Variants in PDE6D observed in about 807,000 individuals in gnomAD.
PDE6D encodes the protein retinal rod rhodopsin-sensitive cGMP 3',5'-cyclic phosphodiesterase subunit delta.
A neutral mutation model predicts 21.9 loss-of-function variants in PDE6D; 10 were observed. That is an observed-to-expected ratio of 0.46 (90% CI 0.28 to 0.78). The LOEUF (loss-of-function observed/expected upper bound fraction) is 0.78. Ranked by LOEUF, PDE6D falls within the 30% of genes least tolerant of loss-of-function variation. PDE6D has a pLI of 0.12. For missense variants in PDE6D, 139 were observed against 184.8 expected, an observed-to-expected ratio of 0.75 and a Z score of 1.44; for synonymous variants, 59 against 63.5, an observed-to-expected ratio of 0.93 and a Z score of 0.34.
chr2:231,746,174 A>G (rs939896874), intron 1 of PDE6D, among the ~76,000 whole-genome samples: 12 of 152,026 alleles, frequency 7.9e-5, no homozygotes, highest in African/African-American at 2.4e-4. Context: ...CGGAGTCCCA[A>G]TCTGTTGTCC....
At chr2:231,734,182 C>G (rs2048676364) in intron 4 of PDE6D, among the ~76,000 whole-genome samples, 1 of 151,664 alleles carries the variant, frequency 6.6e-6, no homozygotes, top group Non-Finnish European at 1.5e-5. Flanking sequence ...CCACTGCACT[C>G]CAGCCTCCGC....
At chr2:231,774,806 G>A (rs539645699) in intron 1 of PDE6D, among the ~76,000 whole-genome samples, 2 of 152,100 alleles carry the variant, frequency 1.3e-5, no homozygotes, top group Admixed American at 6.6e-5. Flanking sequence ...GGCCAGGCTG[G>A]CCTCGAATCC....
chr2:231,751,818 C>T (rs1481862204), intron 1 of PDE6D, among the ~76,000 whole-genome samples: 1 of 152,126 alleles, frequency 6.6e-6, no homozygotes, highest in Non-Finnish European at 1.5e-5. Context: ...ACCTTCATCA[C>T]CTGGTTGAGG....
chr2:231,763,266 C>T (rs1041194245), intron 1 of PDE6D, among the ~76,000 whole-genome samples: 2 of 152,212 alleles, frequency 1.3e-5, no homozygotes, highest in African/African-American at 2.4e-5. Context: ...GTTTGTTTTA[C>T]ATGGAGGGTA....
chr2:231,774,269 G>A (rs1446187785), intron 1 of PDE6D, among the ~76,000 whole-genome samples: 1 of 152,028 alleles, frequency 6.6e-6, no homozygotes, highest in African/African-American at 2.4e-5. Flanking sequence ...AAAATGAATG[G>A]CAGCAGATAT....
At chr2:231,763,708 T>C (rs190979378) in intron 1 of PDE6D, among the ~76,000 whole-genome samples, 1 of 151,648 alleles carries the variant, frequency 6.6e-6, no homozygotes, top group Admixed American at 6.6e-5. Context: ...TGATTACAGC[T>C]CACTGTAACC....
At chr2:231,746,182 T>A (rs1308451522) in intron 1 of PDE6D, among the ~76,000 whole-genome samples, 3 of 152,158 alleles carry the variant, frequency 2.0e-5, no homozygotes, top group Non-Finnish European at 4.4e-5. Context: ...CAATCTGTTG[T>A]CCAGGCTGGA....
intron 1 of PDE6D, among the ~76,000 whole-genome samples, chr2:231,745,229 C>CA (rs1185561147): frequency 3.5e-4 from 52 of 150,166 alleles, no homozygotes; most frequent in East Asian, 3.1e-3. Context: ...AACAAAAACA[C>CA]ACAAAAAAAA....
intron 4 of PDE6D, among the ~76,000 whole-genome samples, chr2:231,733,609 T>C (rs2048669565): frequency 6.6e-6 from 1 of 152,174 alleles, no homozygotes; most frequent in Admixed American, 6.5e-5. Context: ...CCAATCAGAC[T>C]CTTTCTCTTG....
chr2:231,764,405 T>A (rs1183220890), intron 1 of PDE6D, among the ~76,000 whole-genome samples: 1 of 152,162 alleles, frequency 6.6e-6, no homozygotes, highest in Non-Finnish European at 1.5e-5. Context: ...TCCATCCTCA[T>A]ACACATTTCT....
intron 1 of PDE6D, among the ~76,000 whole-genome samples, chr2:231,748,027 G>A (rs2048808611): frequency 1.3e-5 from 2 of 152,014 alleles, no homozygotes. Flanking sequence ...TCCCAGTTTC[G>A]GGTATGTCTT....
intron 1 of PDE6D, among the ~76,000 whole-genome samples, chr2:231,761,444 G>A (rs200287347): frequency 3.9e-5 from 6 of 152,206 alleles, no homozygotes; most frequent in East Asian, 3.8e-4. Flanking sequence ...CCAAAGTGCT[G>A]GGATTACAGG....
intron 1 of PDE6D, among the ~76,000 whole-genome samples, chr2:231,742,283 G>A (rs547551200): frequency 1.5e-4 from 23 of 152,092 alleles, no homozygotes; most frequent in African/African-American, 5.5e-4. Context: ...CACCATGCCC[G>A]GCTAATTTTT....
chr2:231,740,660 GAC>G (rs1491499862), intron 1 of PDE6D, among the ~76,000 whole-genome samples: 1 of 132,038 alleles, frequency 7.6e-6, no homozygotes, highest in East Asian at 2.2e-4. Context: ...CAGCCTGGGC[GAC>G]AGAGGGAGAC....
intron 4 of PDE6D, among the ~76,000 whole-genome samples, chr2:231,733,243 A>T (rs1189985352): frequency 6.6e-6 from 1 of 152,164 alleles, no homozygotes; most frequent in East Asian, 1.9e-4. Flanking sequence ...CATCCCTGTC[A>T]AGCTCACAAA....
intron 1 of PDE6D, among the ~76,000 whole-genome samples, chr2:231,765,003 G>A (rs1204261361): frequency 2.6e-5 from 4 of 151,714 alleles, no homozygotes; most frequent in Admixed American, 6.6e-5. Context: ...GCACATGCCT[G>A]TAATACCAAC....
chr2:231,739,034 C>A lies in PDE6D; in HGVS notation c.139+66G>T. The A allele has an allele frequency of 1.0e-6, 1 of 983,348 alleles. No homozygotes were observed. The highest frequency in any genetic ancestry group is 1.3e-5 in the South Asian group (1 of 75,198). 60.9% of individuals were successfully genotyped at this position (983,348 alleles called of 1,614,324 possible). On this transcript the variant is annotated intron_variant, in intron 2 of 4. Coordinates refer to ENST00000287600, the MANE Select transcript of PDE6D (RefSeq NM_002601.4). The surrounding 1 kb of genome is among the most constrained non-coding windows in gnomAD (Gnocchi z 4.2). ...CTATTAGGTATGTGTTAACTTAGCT[C>A]TCTTATGCTCAGGTGCTAGTCTGGC...
At chr2:231,741,573 A>T (rs1349835080) in intron 1 of PDE6D, among the ~76,000 whole-genome samples, 1 of 152,224 alleles carries the variant, frequency 6.6e-6, no homozygotes, top group Non-Finnish European at 1.5e-5. Flanking sequence ...CAGGTCACAA[A>T]GCTCAGGAAG....
rs779721794 is a variant in PDE6D at position 231,739,086 on chromosome 2, G to A, written c.139+14C>T. The A allele has an allele frequency of 5.1e-6, 8 of 1,567,156 alleles. No homozygotes were observed. The highest frequency in any genetic ancestry group is 7.0e-6 in the Non-Finnish European group (8 of 1,137,350). ...TTGGTCACAGCCCTGTGTAGATAAA[G>A]GGTTGGAAAGTACCTTCATGCTCCA... On this transcript the variant is annotated intron_variant, in intron 2 of 4. Transcript: ENST00000287600. The surrounding 1 kb of genome is among the most constrained non-coding windows in gnomAD (Gnocchi z 4.2).
Sources: gnomAD v4.1 joint callset for allele counts (sites outside exome capture counted in the v4.1 genomes callset) on GRCh38, gnomAD v4.1.1 for gene constraint, Gnocchi (gnomAD v3.1) non-coding constraint, MANE v1.5 for transcripts, NCBI Gene and HGNC (gene_info 2026-07-23, HGNC 2026-07-21) for gene names.